Variants in CD36 observed in about 807,000 individuals in gnomAD.
CD36 encodes the protein platelet glycoprotein 4.
Under a neutral mutation model 55.2 loss-of-function variants are expected in CD36, and 119 were observed. That is an observed-to-expected ratio of 2.15 (90% CI 1.86 to 2.51). The LOEUF is 2.51. Ranked by LOEUF, CD36 falls within the 30% of genes most tolerant of loss-of-function variation. The pLI is 0.00. For missense variants in CD36, 819 were observed against 555.5 expected (o/e 1.47, Z -4.77); for synonymous variants, 186 against 193.6 (o/e 0.96, Z 0.33).
Position 80,656,697 on chromosome 7 carries a change from A to G in CD36, c.278A>G (p.Tyr93Cys). 1 of 1,613,194 alleles carries G rather than the reference A, an allele frequency of 6.2e-7. No homozygotes were observed. The highest frequency in any genetic ancestry group is 8.5e-7 in the Non-Finnish European group (1 of 1,179,352). Residue 93 changes from tyrosine to cysteine, a missense_variant, in exon 4 of 15, where the codon TAC (tyrosine) becomes TGC (cysteine). By Grantham distance (194) the Tyr-to-Cys change is radical (BLOSUM62 -2). Transcript: ENST00000447544. Reference protein sequence around the residue: ...IQVKQRGPYTYRVRFLAKENV... With the variant: ...IQVKQRGPYTCRVRFLAKENV... Reference sequence around the variant, plus strand: ...GTTAAGCAAAGAGGTCCTTATACGTACAGGTGAGTGAGTCCCCACAAATAT... The same window carrying G: ...GTTAAGCAAAGAGGTCCTTATACGTGCAGGTGAGTGAGTCCCCACAAATAT...
chr7:80,670,941 G>C (rs764433511), intron 9 of CD36, 36 bp from the exon 10 acceptor site: 1 of 1,442,424 alleles, frequency 6.9e-7, no homozygotes, highest in Non-Finnish European at 9.8e-7. Context: ...GTAAGTTCAG[G>C]TTCCTGGAAT....
At chr7:80,666,907 C>T (rs1011722328) in intron 8 of CD36, among the ~76,000 whole-genome samples, 4 of 152,062 alleles carry the variant, frequency 2.6e-5, no homozygotes, top group African/African-American at 4.8e-5. Flanking sequence ...AGGCTTATAG[C>T]TGAGATAGAA....
chr7:80,610,805 C>T (rs1000495782), intron 1 of CD36, among the ~76,000 whole-genome samples: 2 of 152,168 alleles, frequency 1.3e-5, no homozygotes, highest in Admixed American at 6.5e-5. Context: ...TATCTCCTGA[C>T]CTCGTGATCT....
At chr7:80,620,932 T>C (rs1040626555) in intron 1 of CD36, among the ~76,000 whole-genome samples, 4 of 152,194 alleles carry the variant, frequency 2.6e-5, no homozygotes, top group African/African-American at 9.7e-5. Flanking sequence ...TGTCCCAGTT[T>C]TAAAAGAAGT....
intron 1 of CD36, chr7:80,639,991 T>C (rs1488754938): frequency 6.6e-6 from 1 of 151,904 alleles, no homozygotes; most frequent in East Asian, 1.9e-4. Flanking sequence ...GCCACCCTAT[T>C]TTTTTAAGGA....
At position 80,673,057 on chromosome 7, in the gene CD36, C is replaced by G. The variant is rs1401505765; in HGVS notation, c.1199+214C>G. 5 of 550,134 alleles carry G rather than the reference C, an allele frequency of 9.1e-6. No individual in the cohort carries two copies. The Admixed American group carries it at 1.7e-4, about 19-fold the overall frequency. The allele number at this position is 550,134 out of a possible 1,614,324, so 34.1% of individuals were successfully genotyped here. ...TTTATTTGAGCATTTGATAGCATCT[C>G]TTATTTTGTTAGCTGCCCAAATATT... On this transcript the variant is annotated intron_variant, in intron 12 of 14. Transcript: ENST00000447544.
chr7:80,663,255 G>C (rs1449730928), intron 6 of CD36, 86 bp downstream of exon 6: 3 of 1,168,124 alleles, frequency 2.6e-6, no homozygotes, highest in Non-Finnish European at 3.8e-6. Flanking sequence ...TTATAATTTA[G>C]CTCATTAGTC....
intron 1 of CD36, among the ~76,000 whole-genome samples, chr7:80,639,682 A>G (rs1230623934): frequency 1.3e-5 from 2 of 152,028 alleles, no homozygotes; most frequent in Admixed American, 1.3e-4. Context: ...TGTGGTTTGA[A>G]GTCAGTAATG....
intron 1 of CD36, among the ~76,000 whole-genome samples, chr7:80,623,498 G>A (rs2115934393): frequency 1.0e-4 from 1 of 9,594 alleles, no homozygotes; most frequent in East Asian, 0.028. Context: ...AGCATATACT[G>A]TAATTCTTAT....
intron 1 of CD36, among the ~76,000 whole-genome samples, chr7:80,631,131 A>G (rs912625314): frequency 6.6e-6 from 1 of 152,026 alleles, no homozygotes; most frequent in African/African-American, 2.4e-5. Flanking sequence ...TGAGAGTGAC[A>G]TTCTGTAGCA....
intron 1 of CD36, among the ~76,000 whole-genome samples, chr7:80,616,833 G>A (rs1793191390): frequency 6.6e-6 from 1 of 152,106 alleles, no homozygotes. Context: ...TAAGGATCAT[G>A]TCTTTATATA....
In CD36 at chr7:80,658,446, A is replaced by AT. The variant is rs927662062; in HGVS notation, c.281+1754dup. On this transcript the variant is annotated intron_variant, in intron 4 of 14. Coordinates refer to ENST00000447544, the MANE Select transcript of CD36 (RefSeq NM_001001548.3). The stretch of plus-strand genomic sequence containing the variant: ...TGTTAGAATTTGAGAACTCATCATG[A>AT]TTTTTTTTGTTTGTTTGGGGGAAGT... Among the ~76,000 whole-genome samples the AT allele has an allele frequency of 1.3e-4, 20 of 151,918 alleles. 1 individual carries two copies. The East Asian group carries it at 2.1e-3, about 16-fold the overall frequency.
intron 6 of CD36, among the ~76,000 whole-genome samples, chr7:80,663,529 G>T (rs1312154286): frequency 6.6e-6 from 1 of 151,854 alleles, no homozygotes; most frequent in Non-Finnish European, 1.5e-5. Flanking sequence ...ATTTTTATTT[G>T]TTTTAAATAT....
At chr7:80,672,307 C>G (rs1055898697) in intron 11 of CD36, among the ~76,000 whole-genome samples, 2 of 151,652 alleles carry the variant, frequency 1.3e-5, no homozygotes, top group African/African-American at 4.8e-5. Flanking sequence ...GTGAGTTTGA[C>G]TATACTTATT....
chr7:80,617,441 G>A (rs1793228521), intron 1 of CD36, among the ~76,000 whole-genome samples: 1 of 151,960 alleles, frequency 6.6e-6, no homozygotes, highest in Admixed American at 6.6e-5. Flanking sequence ...AAATTGCTGT[G>A]AAGGGCCAGG....
chr7:80,637,285 A>G (rs1794485433), upstream of CD36, among the ~76,000 whole-genome samples: 1 of 152,048 alleles, frequency 6.6e-6, no homozygotes, highest in African/African-American at 2.4e-5. Context: ...ATGTCTTTAT[A>G]CTACCATTTT....
Position 80,677,049 on chromosome 7 carries a change from G to A in CD36, c.*666G>A, listed in dbSNP as rs1798187392. Reference sequence around the variant, plus strand: ...TCTAGTTCCTCTTGTGTCATAAAATGTTTATCCTAATTTTCTCTCTGAAGT... The same window carrying A: ...TCTAGTTCCTCTTGTGTCATAAAATATTTATCCTAATTTTCTCTCTGAAGT... On this transcript the variant is annotated 3_prime_UTR_variant, in exon 15 of 15. Coordinates refer to ENST00000447544, the MANE Select transcript of CD36 (RefSeq NM_001001548.3). 2 of 152,030 alleles carry A rather than the reference G, an allele frequency of 1.3e-5. No individual in the cohort carries two copies. The highest frequency in any genetic ancestry group is 1.3e-4 in the Admixed American group (2 of 15,256). 9.4% of individuals were successfully genotyped at this position (152,030 alleles called of 1,614,324 possible). A position where few individuals can be genotyped will look rare whatever the true frequency, so the allele number is the denominator to read the frequency against.
At chr7:80,666,703 C>A (rs1170840826) in intron 8 of CD36, among the ~76,000 whole-genome samples, 1 of 152,194 alleles carries the variant, frequency 6.6e-6, no homozygotes. Context: ...TTAGCCCTTA[C>A]TGCATGATTC....
In CD36 at chr7:80,673,988, G is replaced by A. The variant is rs758009520; in HGVS notation, c.1260G>A (p.Gly420=). Residue 420 remains glycine (G), a synonymous_variant, in exon 14 of 15, where the codon GGG becomes GGA. Transcript: ENST00000447544. ...IVPILWLNET[G]TIGDEKANMF... is the part of the protein sequence containing the mutation. ...GATTATTAACTTGATTACAGACTGGGACCATTGGTGATGAGAAGGCAAACA... is the reference window on the plus strand; with the variant it reads ...GATTATTAACTTGATTACAGACTGGAACCATTGGTGATGAGAAGGCAAACA... 6.2e-7 allele frequency: 1 copy of A among 1,611,140 alleles called. No homozygotes were observed. The highest frequency in any genetic ancestry group is 8.5e-7 in the Non-Finnish European group (1 of 1,177,910).
Sources: allele counts gnomAD v4.1 joint callset (sites outside exome capture counted in the v4.1 genomes callset), GRCh38; gene constraint gnomAD v4.1.1; transcripts MANE v1.5; gene names NCBI Gene and HGNC (gene_info 2026-07-23, HGNC 2026-07-21).